NPR3: variants seen among roughly 807,000 people sequenced by gnomAD.
NPR3 encodes natriuretic peptide receptor 3.
In NPR3, 34 loss-of-function variants were observed where a neutral mutation model predicts 54.5. That is an observed-to-expected ratio of 0.62 (90% CI 0.47 to 0.83). The LOEUF (loss-of-function observed/expected upper bound fraction) is 0.83, where lower values mean the gene tolerates loss of function less well. Ranked by LOEUF, NPR3 falls within the 40% of genes least tolerant of loss-of-function variation. NPR3 has a pLI of 0.00. For synonymous variants in NPR3, 289 were observed against 297.1 expected, an observed-to-expected ratio of 0.97 and a Z score of 0.28; for missense variants, 674 against 720.8, an observed-to-expected ratio of 0.94 and a Z score of 0.74.
chr5:32,699,673 T>C (rs896618658), intron 1 of NPR3, among the ~76,000 whole-genome samples: 2 of 152,242 alleles, frequency 1.3e-5, no homozygotes, highest in Non-Finnish European at 2.9e-5. Flanking sequence ...GTAGTTATTA[T>C]TTTTGATTAG....
At position 32,712,453 on chromosome 5, in the gene NPR3, A is replaced by G. The variant is rs370817949; in HGVS notation, c.677A>G (p.Glu226Gly). 1.9e-6 allele frequency: 3 copies of G among 1,609,218 alleles called. No individual in the cohort carries two copies. Among genetic ancestry groups the G allele is most frequent in the Non-Finnish European group, 2.5e-6 (3 of 1,178,596 alleles). ...GAGGGGGTCCACGAGGTCTTCCAGG[A>G]GGAGGGTTTGCACACGTCCATCTAC... ...TLEGVHEVFQ[E>G]EGLHTSIYSF... is the part of the protein sequence containing the mutation. Residue 226 changes from glutamate to glycine, a missense_variant, in exon 1 of 8, where the codon GAG becomes GGG. Transcript: ENST00000265074.
chr5:32,714,740 A>G (rs1048268897), intron 1 of NPR3, among the ~76,000 whole-genome samples: 1 of 152,172 alleles, frequency 6.6e-6, no homozygotes. Flanking sequence ...AGAAAAAGTT[A>G]CTTGATAACA....
upstream of NPR3, among the ~76,000 whole-genome samples, chr5:32,707,996 TA>T (rs58410343): frequency 0.062 from 8,204 of 131,440 alleles, 243 homozygotes; most frequent in African/African-American, 0.096. Context: ...GTAGTAGCTT[TA>T]AAAAAAAAAA....
intron 3 of NPR3, among the ~76,000 whole-genome samples, chr5:32,761,069 T>G (rs1030931040): frequency 4.6e-5 from 7 of 152,188 alleles, no homozygotes; most frequent in Non-Finnish European, 1.0e-4. Context: ...AAACTGTAGC[T>G]TTGTAGCAAA....
chr5:32,767,701 C>T (rs956743460), intron 3 of NPR3, among the ~76,000 whole-genome samples: 3 of 151,708 alleles, frequency 2.0e-5, no homozygotes, highest in Non-Finnish European at 4.4e-5. Context: ...CTTGAAATTG[C>T]TTAAATAAAA....
At chr5:32,732,244 T>C (rs113890921) in intron 2 of NPR3, among the ~76,000 whole-genome samples, 1 of 75,800 alleles carries the variant, frequency 1.3e-5, no homozygotes, top group Non-Finnish European at 2.2e-5. Context: ...CGAGACTCCG[T>C]CTCAAAAAAA....
intron 4 of NPR3, among the ~76,000 whole-genome samples, chr5:32,778,081 C>A (rs991951426): frequency 2.6e-5 from 4 of 151,508 alleles, no homozygotes; most frequent in African/African-American, 9.8e-5. Context: ...AGGGTAGGTG[C>A]CAATGATGGC....
rs139576154 is a variant in NPR3 at position 32,714,013 on chromosome 5, A to G, written c.769+1468A>G. On this transcript the variant is annotated intron_variant, in intron 1 of 7. Transcript: ENST00000265074. ...CACGCCTGCCACGCCTCGGCAAGGAACCCACATCTACACTCCCAAGTCCCA... is the reference window on the plus strand; with the variant it reads ...CACGCCTGCCACGCCTCGGCAAGGAGCCCACATCTACACTCCCAAGTCCCA... Among the ~76,000 whole-genome samples the G allele has an allele frequency of 6.2e-3, 949 of 152,216 alleles. 7 individuals carry two copies. Among genetic ancestry groups the G allele is most frequent in the Middle Eastern group, 0.01 (3 of 294 alleles).
At chr5:32,775,975 G>A (rs373083705) in intron 4 of NPR3, among the ~76,000 whole-genome samples, 5 of 152,168 alleles carry the variant, frequency 3.3e-5, no homozygotes, top group African/African-American at 1.2e-4. Flanking sequence ...GCTTGGCTAG[G>A]AAATTTAAAC....
chr5:32,734,430 C>G (rs1739621667), intron 2 of NPR3, among the ~76,000 whole-genome samples: 1 of 152,124 alleles, frequency 6.6e-6, no homozygotes, highest in African/African-American at 2.4e-5. Flanking sequence ...ACATGGGTAC[C>G]CCTTATTGGC....
At chr5:32,761,310 T>C (rs1741148817) in intron 3 of NPR3, among the ~76,000 whole-genome samples, 1 of 152,192 alleles carries the variant, frequency 6.6e-6, no homozygotes, top group Non-Finnish European at 1.5e-5. Flanking sequence ...TTTCAATCCA[T>C]GAACATGAGA....
intron 4 of NPR3, among the ~76,000 whole-genome samples, chr5:32,776,335 A>T (rs574418961): frequency 1.2e-4 from 19 of 152,142 alleles, no homozygotes; most frequent in South Asian, 4.2e-4. Context: ...CACTTGTAAA[A>T]TTTTTTTTGC....
In NPR3 at chr5:32,789,517, T is replaced by C; in HGVS notation, c.*3172T>C. The C allele has an allele frequency of 1.9e-6, 1 of 534,738 alleles. No individual in the cohort carries two copies. The highest frequency in any genetic ancestry group is 3.8e-6 in the Non-Finnish European group (1 of 260,086). The allele number at this position is 534,738 out of a possible 1,614,324, so 33.1% of individuals were successfully genotyped here. A position where few individuals can be genotyped will look rare whatever the true frequency, so the allele number is the denominator to read the frequency against. The stretch of plus-strand genomic sequence containing the variant: ...ATAATTCTTCACATTTCAGAACCCA[T>C]GTTTAATGGAGGGAAGAGAGAAATG... On this transcript the variant is annotated 3_prime_UTR_variant, in exon 8 of 8. Transcript: ENST00000265074.
intron 1 of NPR3, among the ~76,000 whole-genome samples, chr5:32,701,841 C>G (rs1039105393): frequency 3.3e-5 from 5 of 152,214 alleles, no homozygotes; most frequent in African/African-American, 1.2e-4. Context: ...CAGGCAGAGA[C>G]TCTTCTTCTC....
chr5:32,726,824 T>A (rs1228132025), intron 2 of NPR3, among the ~76,000 whole-genome samples: 5 of 152,178 alleles, frequency 3.3e-5, no homozygotes, highest in Admixed American at 3.3e-4. Context: ...CACTGATAAT[T>A]TTTGGAAGTA....
At chr5:32,704,781 C>T (rs142681422), upstream of NPR3, among the ~76,000 whole-genome samples, 83 of 152,312 alleles carry the variant, frequency 5.4e-4, no homozygotes, top group African/African-American at 1.9e-3. Context: ...GCACATGGCC[C>T]AGTGCCCATT....
At position 32,787,388 on chromosome 5, in the gene NPR3, T is replaced by C. The variant is rs1272559839; in HGVS notation, c.*1043T>C. On this transcript the variant is annotated 3_prime_UTR_variant, in exon 8 of 8. Coordinates refer to ENST00000265074, the MANE Select transcript of NPR3 (RefSeq NM_001204375.2). ...TTTAGGGTGACACTCCTTCCAGTTC[T>C]GGCCAGATCATGAGTTTCAAGATCA... 3 of 152,228 alleles carry C rather than the reference T, an allele frequency of 2.0e-5. No individual in the cohort carries two copies. Among genetic ancestry groups the C allele is most frequent in the African/African-American group, 7.2e-5 (3 of 41,460 alleles). 9.4% of individuals were successfully genotyped at this position (152,228 alleles called of 1,614,324 possible).
At chr5:32,775,864 T>A (rs1742019171) in intron 4 of NPR3, among the ~76,000 whole-genome samples, 1 of 152,168 alleles carries the variant, frequency 6.6e-6, no homozygotes, top group Non-Finnish European at 1.5e-5. Flanking sequence ...TCCCAAGCTT[T>A]CTTAATAACA....
intron 1 of NPR3, among the ~76,000 whole-genome samples, chr5:32,716,183 C>CT (rs929998373): frequency 6.6e-6 from 1 of 151,982 alleles, no homozygotes; most frequent in African/African-American, 2.4e-5. Flanking sequence ...AGAGAGAAAT[C>CT]TTTTTTGAAA....
Sources: allele counts gnomAD v4.1 joint callset (sites outside exome capture counted in the v4.1 genomes callset), GRCh38; gene constraint gnomAD v4.1.1; transcripts MANE v1.5; gene names NCBI Gene and HGNC (gene_info 2026-07-23, HGNC 2026-07-21).